RNFT2: variants seen among roughly 807,000 people sequenced by gnomAD.
The protein encoded by RNFT2 is E3 ubiquitin-protein ligase RNFT2.
In RNFT2, 36 loss-of-function variants were observed where a neutral mutation model predicts 53.0. The observed-to-expected ratio is 0.68, with a 90% CI of 0.52 to 0.90. RNFT2 has a LOEUF of 0.90. Among genes scored for constraint, RNFT2 ranks in the 40% least tolerant of loss-of-function variants. The pLI, the probability that RNFT2 is intolerant of heterozygous loss-of-function variation, is 0.00. For synonymous variants in RNFT2, 260 were observed against 253.2 expected (o/e 1.03, Z -0.26); for missense variants, 514 against 585.6 (o/e 0.88, Z 1.26).
intron 7 of RNFT2, among the ~76,000 whole-genome samples, chr12:116,795,127 C>T (rs750211620): frequency 6.6e-6 from 1 of 150,946 alleles, no homozygotes; most frequent in Non-Finnish European, 1.5e-5. Context: ...AAATGAAGGC[C>T]GGGCCCGGTG....
chr12:116,755,507 C>A, intron 5 of RNFT2: 3 of 886,304 alleles, frequency 3.4e-6, no homozygotes, highest in South Asian at 2.6e-5. Flanking sequence ...AACCCAGGTA[C>A]CTTTCTCTTC....
rs1008549014 is a variant in RNFT2 at position 116,853,425 on chromosome 12, G to A, written c.*3977G>A. ...GCAAGCTTTGGACACAGATATGATA[G>A]GTGCATCAGCTTCGGAAGAGAAGAA... On this transcript the variant is annotated 3_prime_UTR_variant, in exon 11 of 11. Coordinates refer to ENST00000257575, the MANE Select transcript of RNFT2 (RefSeq NM_001382266.1). 2.6e-6 allele frequency: 1 copy of A among 378,776 alleles called. No individual in the cohort carries two copies. The allele number at this position is 378,776 out of a possible 1,614,324, so 23.5% of individuals were successfully genotyped here.
At chr12:116,762,676 T>C (rs905030436) in intron 5 of RNFT2, among the ~76,000 whole-genome samples, 1 of 151,166 alleles carries the variant, frequency 6.6e-6, no homozygotes, top group African/African-American at 2.4e-5. Context: ...GCCTCCCAAG[T>C]AGCGAGATTA....
At chr12:116,756,930 ATTCTGCTGTGAATC>A (rs1415869827) in intron 5 of RNFT2, among the ~76,000 whole-genome samples, 48 of 152,286 alleles carry the variant, frequency 3.2e-4, no homozygotes, top group African/African-American at 9.6e-4. Context: ...GTCTGGTAGA[ATTCTGCTGTGAATC>A]TGTCTGGTCC....
At chr12:116,808,657 C>T (rs1342915524) in intron 7 of RNFT2, among the ~76,000 whole-genome samples, 1 of 152,174 alleles carries the variant, frequency 6.6e-6, no homozygotes, top group Non-Finnish European at 1.5e-5. Flanking sequence ...CAACCTCAGA[C>T]AATGGAAGAC....
chr12:116,751,713 A>G (rs1251198409), intron 4 of RNFT2, among the ~76,000 whole-genome samples: 1 of 150,012 alleles, frequency 6.7e-6, no homozygotes, highest in East Asian at 2.0e-4. Flanking sequence ...GTATACTGTT[A>G]TTGTTATTAT....
At chr12:116,782,834 T>C (rs892327434) in intron 7 of RNFT2, among the ~76,000 whole-genome samples, 2 of 152,188 alleles carry the variant, frequency 1.3e-5, no homozygotes, top group Non-Finnish European at 2.9e-5. Context: ...CTGGTAACTG[T>C]GCCCTCCTCG....
At position 116,852,950 on chromosome 12, in the gene RNFT2, G is replaced by A. The variant is rs1171932398; in HGVS notation, c.*3502G>A. On this transcript the variant is annotated 3_prime_UTR_variant, in exon 11 of 11. Coordinates refer to ENST00000257575, the MANE Select transcript of RNFT2 (RefSeq NM_001382266.1). ...AAAATTCTCTAACACTGCAAAGAGT[G>A]AGCCATGCCTGTTAACACTGTAAAG... 3.4e-6 allele frequency: 2 copies of A among 585,308 alleles called. No individual in the cohort carries two copies. The highest frequency in any genetic ancestry group is 6.0e-6 in the Non-Finnish European group (2 of 331,754). The allele number at this position is 585,308 out of a possible 1,614,324, so 36.3% of individuals were successfully genotyped here.
intron 7 of RNFT2, among the ~76,000 whole-genome samples, chr12:116,811,703 G>A (rs1875388795): frequency 6.6e-6 from 1 of 152,224 alleles, no homozygotes; most frequent in Non-Finnish European, 1.5e-5. Context: ...GTGCATGTGT[G>A]TGTCTGTGTG....
At chr12:116,758,385 G>T (rs1417690380) in intron 5 of RNFT2, among the ~76,000 whole-genome samples, 2 of 152,050 alleles carry the variant, frequency 1.3e-5, no homozygotes, top group Non-Finnish European at 2.9e-5. Flanking sequence ...GTGTACTTTG[G>T]TTTTTTCATT....
At chr12:116,832,169 A>ATATG (rs1555209717) in intron 7 of RNFT2, among the ~76,000 whole-genome samples, 1 of 142,922 alleles carries the variant, frequency 7.0e-6, no homozygotes, top group Non-Finnish European at 1.5e-5. Context: ...ATATATATAT[A>ATATG]TCTTTCTATC....
intron 5 of RNFT2, among the ~76,000 whole-genome samples, chr12:116,760,111 G>T (rs1464237403): frequency 6.6e-6 from 1 of 152,144 alleles, no homozygotes; most frequent in African/African-American, 2.4e-5. Context: ...GAGTCATGCA[G>T]GTTGTCAGGG....
chr12:116,755,365 CTTTTTTT>C, intron 5 of RNFT2: 1 of 626,576 alleles, frequency 1.6e-6, no homozygotes. Flanking sequence ...GCCCAGAGGT[CTTTTTTT>C]TTTTTTTTTT....
In RNFT2 at chr12:116,852,005, T is replaced by G; in HGVS notation, c.*2557T>G. 1 of 1,405,916 alleles carries G rather than the reference T, an allele frequency of 7.1e-7. No individual in the cohort carries two copies. Among genetic ancestry groups the G allele is most frequent in the South Asian group, 1.4e-5 (1 of 69,208 alleles). 87.1% of individuals were successfully genotyped at this position (1,405,916 alleles called of 1,614,324 possible). On this transcript the variant is annotated 3_prime_UTR_variant, in exon 11 of 11. Coordinates refer to ENST00000257575, the MANE Select transcript of RNFT2 (RefSeq NM_001382266.1). ...GTTTCCACCAACCAGGGTAGTGGCATGGAGCACCGTAACCATCTGTGCTTC... is the reference window on the plus strand; with the variant it reads ...GTTTCCACCAACCAGGGTAGTGGCAGGGAGCACCGTAACCATCTGTGCTTC...
chr12:116,748,309 C>T (rs1217071299), intron 3 of RNFT2, among the ~76,000 whole-genome samples: 1 of 152,176 alleles, frequency 6.6e-6, no homozygotes, highest in Non-Finnish European at 1.5e-5. Context: ...AGGCCTAACT[C>T]CGGGCTCTCT....
intron 5 of RNFT2, 75 bp downstream of exon 5, chr12:116,754,135 C>A: frequency 8.2e-7 from 1 of 1,215,998 alleles, no homozygotes; most frequent in Non-Finnish European, 1.2e-6. Flanking sequence ...GTCTTCCCGG[C>A]AAGTCTCCAG....
At chr12:116,807,989 A>G (rs1875168504) in intron 7 of RNFT2, among the ~76,000 whole-genome samples, 1 of 152,080 alleles carries the variant, frequency 6.6e-6, no homozygotes, top group Non-Finnish European at 1.5e-5. Flanking sequence ...TTTCTTTTTA[A>G]GACAGTTTCG....
At chr12:116,758,203 T>C (rs565673750) in intron 5 of RNFT2, among the ~76,000 whole-genome samples, 1 of 152,336 alleles carries the variant, frequency 6.6e-6, no homozygotes, top group East Asian at 1.9e-4. Flanking sequence ...TTTAAGTTTA[T>C]GTGAGTCCTT....
chr12:116,806,003 C>T (rs73405150), intron 7 of RNFT2, among the ~76,000 whole-genome samples: 2,634 of 152,298 alleles, frequency 0.017, 70 homozygotes, highest in African/African-American at 0.06. Flanking sequence ...CTAGCTGAAT[C>T]GAGACATTAA....
Sources: allele counts gnomAD v4.1 joint callset (sites outside exome capture counted in the v4.1 genomes callset), GRCh38; gene constraint gnomAD v4.1.1; transcripts MANE v1.5; gene names NCBI Gene and HGNC (gene_info 2026-07-23, HGNC 2026-07-21).